PMEPA1: variants seen among roughly 807,000 people sequenced by gnomAD.
PMEPA1 encodes the protein protein TMEPAI.
Under a neutral mutation model 23.0 loss-of-function variants are expected in PMEPA1, and 11 were observed. The ratio of observed to expected loss-of-function variants is 0.48; its 90% CI spans 0.30 to 0.79. The LOEUF (loss-of-function observed/expected upper bound fraction) is 0.79, where lower values mean the gene tolerates loss of function less well. PMEPA1 is among the 30% of genes least tolerant of loss of function. PMEPA1 has a pLI of 0.06. For missense variants in PMEPA1, 377 were observed against 390.9 expected (o/e 0.96, Z 0.30); for synonymous variants, 204 against 166.4 (o/e 1.23, Z -1.74).
chr20:57,671,504 A>G (rs1189844746), intron 1 of PMEPA1, among the ~76,000 whole-genome samples: 1 of 152,138 alleles, frequency 6.6e-6, no homozygotes, highest in Non-Finnish European at 1.5e-5. Flanking sequence ...GGAAAAATTC[A>G]CAGAAGGGCC....
intron 1 of PMEPA1, among the ~76,000 whole-genome samples, chr20:57,662,937 G>C (rs1043985284): frequency 7.2e-5 from 11 of 152,324 alleles, no homozygotes; most frequent in South Asian, 2.1e-4. Flanking sequence ...GGCAATGGAG[G>C]AGGCCCCTGC....
Position 57,652,618 on chromosome 20 carries a change from A to C in PMEPA1, c.319-20T>G, listed in dbSNP as rs2071265488. The C allele has an allele frequency of 6.9e-7, 1 of 1,450,916 alleles. No individual in the cohort carries two copies. The highest frequency in any genetic ancestry group is 1.4e-5 in the African/African-American group (1 of 70,014). The allele number at this position is 1,450,916 out of a possible 1,614,324, so 89.9% of individuals were successfully genotyped here. A position where few individuals can be genotyped will look rare whatever the true frequency, so the allele number is the denominator to read the frequency against. ...CTGCGGCTGGAGGAAGCAGAGCGGG[A>C]GTGAGGGAGGGCGGCTGTCTCAGGT... On this transcript the variant is annotated intron_variant, in intron 3 of 3. Transcript: ENST00000341744. The surrounding 1 kb of genome is among the most constrained non-coding windows in gnomAD (Gnocchi z 6.1).
chr20:57,685,490 T>C (rs1411068092), intron 1 of PMEPA1, among the ~76,000 whole-genome samples: 1 of 152,232 alleles, frequency 6.6e-6, no homozygotes, highest in Admixed American at 6.5e-5. Context: ...GCTGACAAAG[T>C]AGCCATTTAA....
At chr20:57,660,273 C>T (rs1281918249) in intron 1 of PMEPA1, among the ~76,000 whole-genome samples, 2 of 152,018 alleles carry the variant, frequency 1.3e-5, no homozygotes, top group African/African-American at 2.4e-5. Flanking sequence ...AACGTGTGTA[C>T]ACAAACCTAT....
intron 1 of PMEPA1, among the ~76,000 whole-genome samples, chr20:57,689,386 C>T (rs1183574463): frequency 6.6e-6 from 1 of 152,128 alleles, no homozygotes; most frequent in East Asian, 1.9e-4. Context: ...AGGACAGAGG[C>T]CTGGCCTTCC....
intron 1 of PMEPA1, among the ~76,000 whole-genome samples, chr20:57,703,509 A>T (rs946019226): frequency 1.3e-5 from 2 of 152,112 alleles, no homozygotes; most frequent in African/African-American, 4.8e-5. Flanking sequence ...CAAGCCTGGC[A>T]GTGGATTAAG....
chr20:57,652,498 A>G lies in PMEPA1; in HGVS notation c.419T>C (p.Leu140Pro). ...GGGTGGCAGGTCGATCTCGTGCTGC[A>G]GGTACGGATAGGTGGGCTGGAAGCG... Reference protein sequence around the residue: ...FHRFQPTYPYLQHEIDLPPTI... With the variant: ...FHRFQPTYPYPQHEIDLPPTI... The change falls in exon 4 of 4, where the codon CTG (leucine) becomes CCG (proline). Residue 140 changes from leucine to proline, a missense_variant. This residue lies in a region of PMEPA1 where 198 missense variants were observed against 196.3 expected (regional missense o/e 1.01). Transcript: ENST00000341744. This position sits in a 1 kb window ranked among gnomAD's most constrained non-coding sequence, Gnocchi z 6.1. 1 of 1,596,164 alleles carries G rather than the reference A, an allele frequency of 6.3e-7. No individual in the cohort carries two copies. Among genetic ancestry groups the G allele is most frequent in the Non-Finnish European group, 8.6e-7 (1 of 1,169,450 alleles).
intron 1 of PMEPA1, among the ~76,000 whole-genome samples, chr20:57,676,655 G>A (rs919710936): frequency 3.3e-5 from 5 of 152,214 alleles, no homozygotes; most frequent in Non-Finnish European, 5.9e-5. Context: ...TCAAGGGGCC[G>A]ACTGGCTGGG....
At position 57,652,526 on chromosome 20, in the gene PMEPA1, G is replaced by A; in HGVS notation, c.391C>T (p.His131Tyr). 1 of 1,569,220 alleles carries A rather than the reference G, an allele frequency of 6.4e-7. No individual in the cohort carries two copies. Residue 131 changes from histidine to tyrosine, a missense_variant, in exon 4 of 4, where the codon CAC (histidine) becomes TAC (tyrosine). Around this residue, in one of 3 missense-constraint regions of PMEPA1, gnomAD observed 198 missense variants for 196.3 expected, o/e 1.01. Transcript: ENST00000341744. The surrounding 1 kb of genome is among the most constrained non-coding windows in gnomAD (Gnocchi z 6.1). ...TACGGATAGGTGGGCTGGAAGCGGTGGAAGCGCTCCCGCTGGGCGAAGGGC... is the reference window on the plus strand; with the variant it reads ...TACGGATAGGTGGGCTGGAAGCGGTAGAAGCGCTCCCGCTGGGCGAAGGGC... ...VPPFAQRERF[H>Y]RFQPTYPYLQ...
intron 1 of PMEPA1, among the ~76,000 whole-genome samples, chr20:57,699,338 T>G (rs986300443): frequency 1.3e-5 from 2 of 152,234 alleles, no homozygotes; most frequent in South Asian, 2.1e-4. Context: ...TTATTGAGCA[T>G]CTACTAGGAA....
At chr20:57,707,979 A>C (rs537709228) in intron 1 of PMEPA1, among the ~76,000 whole-genome samples, 32 of 152,346 alleles carry the variant, frequency 2.1e-4, no homozygotes, top group Middle Eastern at 6.8e-3. Flanking sequence ...GCACCTCGCT[A>C]GTCTGGCACA....
At position 57,652,556 on chromosome 20, in the gene PMEPA1, C is replaced by T. The variant is rs1476690900; in HGVS notation, c.361G>A (p.Val121Met). 56 of 1,526,792 alleles carry T rather than the reference C, an allele frequency of 3.7e-5. No individual in the cohort carries two copies. Among genetic ancestry groups the T allele is most frequent in the Non-Finnish European group, 4.4e-5 (50 of 1,137,094 alleles). 94.6% of individuals were successfully genotyped at this position (1,526,792 alleles called of 1,614,324 possible). A position where few individuals can be genotyped will look rare whatever the true frequency, so the allele number is the denominator to read the frequency against. Residue 121 changes from valine (V) to methionine (M), a missense_variant, in exon 4 of 4, where the codon GTG (valine) becomes ATG (methionine). Val to Met is a conservative substitution (Grantham distance 21). Coordinates refer to ENST00000341744, the MANE Select transcript of PMEPA1 (RefSeq NM_020182.5). The surrounding 1 kb of genome is among the most constrained non-coding windows in gnomAD (Gnocchi z 6.1). ...APPRPTDRLA[V>M]PPFAQRERFH... is the part of the protein sequence containing the mutation. ...CGCTCCCGCTGGGCGAAGGGCGGCA[C>T]GGCCAGGCGGTCGGTGGGCCGAGGC...
chr20:57,652,560 C>A lies in PMEPA1; in HGVS notation c.357G>T (p.Leu119=). 1 of 1,525,414 alleles carries A rather than the reference C, an allele frequency of 6.6e-7. No homozygotes were observed. Among genetic ancestry groups the A allele is most frequent in the Non-Finnish European group, 8.8e-7 (1 of 1,136,720 alleles). The allele number at this position is 1,525,414 out of a possible 1,614,324, so 94.5% of individuals were successfully genotyped here. ...CCCGCTGGGCGAAGGGCGGCACGGC[C>A]AGGCGGTCGGTGGGCCGAGGCGGGG... ...VYAPPRPTDR[L]AVPPFAQRER... The change falls in exon 4 of 4, where the codon CTG becomes CTT. Residue 119 remains leucine (L), a synonymous_variant. Coordinates refer to ENST00000341744, the MANE Select transcript of PMEPA1 (RefSeq NM_020182.5). The surrounding 1 kb of genome is among the most constrained non-coding windows in gnomAD (Gnocchi z 6.1).
intron 1 of PMEPA1, among the ~76,000 whole-genome samples, chr20:57,708,017 G>A (rs2072111770): frequency 6.6e-6 from 1 of 152,238 alleles, no homozygotes; most frequent in African/African-American, 2.4e-5. Flanking sequence ...TAGGGGGAGA[G>A]CTTTCCATTC....
At chr20:57,706,998 A>G (rs1336030385) in intron 1 of PMEPA1, among the ~76,000 whole-genome samples, 2 of 152,190 alleles carry the variant, frequency 1.3e-5, no homozygotes, top group African/African-American at 2.4e-5. Flanking sequence ...TCACGGCCTC[A>G]TTCTTCAGAT....
chr20:57,709,265 C>CA (rs1180999011), intron 1 of PMEPA1, among the ~76,000 whole-genome samples: 2 of 148,550 alleles, frequency 1.3e-5, no homozygotes, highest in Non-Finnish European at 3.0e-5. Context: ...GGGGCCGTGC[C>CA]AGGCTCGCAG....
chr20:57,666,242 C>T (rs933678447), intron 1 of PMEPA1, among the ~76,000 whole-genome samples: 1 of 152,186 alleles, frequency 6.6e-6, no homozygotes, highest in African/African-American at 2.4e-5. Flanking sequence ...GAGACAGGCA[C>T]AGTCCCTCTG....
At chr20:57,667,085 A>G (rs935349376) in intron 1 of PMEPA1, among the ~76,000 whole-genome samples, 1 of 152,218 alleles carries the variant, frequency 6.6e-6, no homozygotes, top group Non-Finnish European at 1.5e-5. Context: ...CTGTGGAGTG[A>G]AGATGGTGGC....
rs79863609 is a variant in PMEPA1 at position 57,708,063 on chromosome 20, G to C, written c.109+1411C>G. Among the ~76,000 whole-genome samples the C allele has an allele frequency of 1.0e-2, 1,517 of 152,214 alleles. 21 individuals are homozygous for C. The highest frequency in any genetic ancestry group is 0.057 in the East Asian group (296 of 5,172). On this transcript the variant is annotated intron_variant, in intron 1 of 3. Transcript: ENST00000341744. ...GGGAGTGTGGAGAGGTGGATGGATG[G>C]AAGGACCCACCACCAAAGCCCGGCC...
Sources: allele counts gnomAD v4.1 joint callset (sites outside exome capture counted in the v4.1 genomes callset), GRCh38; gene constraint gnomAD v4.1.1; regional missense constraint gnomAD v4.1.1; non-coding constraint Gnocchi (gnomAD v3.1); transcripts MANE v1.5; gene names NCBI Gene and HGNC (gene_info 2026-07-23, HGNC 2026-07-21).